The following ZBBX variants were observed in gnomAD, a reference collection of about 807,000 sequenced individuals.
ZBBX encodes zinc finger B-box domain containing, also known as zinc finger B-box domain-containing protein 1.
In ZBBX, 101 loss-of-function variants were observed where a neutral mutation model predicts 108.5. The observed-to-expected ratio is 0.93, with a 90% CI of 0.79 to 1.10. The LOEUF (loss-of-function observed/expected upper bound fraction) is 1.10. ZBBX is among the 50% of genes least tolerant of loss of function. The pLI is 0.00. For missense variants in ZBBX, 1,009 were observed against 941.4 expected, an observed-to-expected ratio of 1.07 and a Z score of -0.94; for synonymous variants, 356 against 323.4, an observed-to-expected ratio of 1.10 and a Z score of -1.08.
chr3:167,363,326 G>C (rs547171338), intron 6 of ZBBX, among the ~76,000 whole-genome samples: 81 of 152,030 alleles, frequency 5.3e-4, no homozygotes, highest in Non-Finnish European at 1.0e-3. Context: ...TCATTCCCAA[G>C]AACTCAAATT....
At chr3:167,309,213 C>T (rs904408184) in intron 16 of ZBBX, among the ~76,000 whole-genome samples, 4 of 152,178 alleles carry the variant, frequency 2.6e-5, no homozygotes, top group Admixed American at 6.5e-5. Context: ...CTGCCTTTGC[C>T]ACTGCTGTAC....
At chr3:167,211,421 C>T in the ZBBX span, among the ~76,000 whole-genome samples, 28 of 152,266 alleles carry the variant, frequency 1.8e-4, no homozygotes, top group East Asian at 1.4e-3. Context: ...TGGGAGGTTA[C>T]ATTCCTGTAC....
chr3:167,237,121 T>A (rs1720262850), downstream of ZBBX, among the ~76,000 whole-genome samples: 1 of 151,768 alleles, frequency 6.6e-6, no homozygotes, highest in Admixed American at 6.6e-5. Context: ...TCATAACATT[T>A]ATTTTTTTCA....
At chr3:167,330,682 G>T (rs1178376787) in intron 10 of ZBBX, among the ~76,000 whole-genome samples, 1 of 151,522 alleles carries the variant, frequency 6.6e-6, no homozygotes, top group Non-Finnish European at 1.5e-5. Context: ...GTTTGAGCAT[G>T]GGAGGAGGTT....
chr3:167,335,578 A>G (rs1358106770), intron 9 of ZBBX, among the ~76,000 whole-genome samples: 1 of 151,646 alleles, frequency 6.6e-6, no homozygotes, highest in African/African-American at 2.4e-5. Flanking sequence ...AGCAGGGATC[A>G]GATAAAATTA....
the ZBBX span, among the ~76,000 whole-genome samples, chr3:167,201,843 C>A: frequency 2.0e-5 from 3 of 152,090 alleles, no homozygotes; most frequent in African/African-American, 7.2e-5. Flanking sequence ...TGCTTAAGTT[C>A]TTTAAGAAAT....
chr3:167,183,217 C>G, the ZBBX span, among the ~76,000 whole-genome samples: 677 of 152,322 alleles, frequency 4.4e-3, 1 homozygote, highest in African/African-American at 0.016. Flanking sequence ...TCCTCCTCAT[C>G]ATCAGTGTGA....
intron 10 of ZBBX, among the ~76,000 whole-genome samples, chr3:167,330,492 C>A (rs946788671): frequency 6.6e-6 from 1 of 151,976 alleles, no homozygotes; most frequent in African/African-American, 2.4e-5. Flanking sequence ...GAAGCCCTAA[C>A]CCCCAATGTG....
At chr3:167,317,642 C>T (rs1313954851) in intron 12 of ZBBX, 45 bp from the exon 13 acceptor site, 2 of 1,298,224 alleles carry the variant, frequency 1.5e-6, no homozygotes, top group Admixed American at 4.3e-5. Flanking sequence ...AATATATTAC[C>T]TGAAACTTTC....
the ZBBX span, among the ~76,000 whole-genome samples, chr3:167,191,235 G>A: frequency 2.0e-5 from 3 of 152,222 alleles, no homozygotes; most frequent in Admixed American, 1.3e-4. Context: ...CACAGGCAAT[G>A]TGTGTGGCTA....
chr3:167,320,349 T>C (rs1250511759), intron 12 of ZBBX, among the ~76,000 whole-genome samples: 1 of 148,622 alleles, frequency 6.7e-6, no homozygotes, highest in Admixed American at 6.7e-5. Context: ...GCAAAATAAA[T>C]AACAATAATA....
At chr3:167,400,998 G>A (rs2108643079) in intron 1 of ZBBX, among the ~76,000 whole-genome samples, 1 of 152,116 alleles carries the variant, frequency 6.6e-6, no homozygotes, top group East Asian at 1.9e-4. Flanking sequence ...TTAGCTTAGT[G>A]ATTTTGGGAT....
chr3:167,268,327 G>A (rs868066454), intron 20 of ZBBX, among the ~76,000 whole-genome samples: 3 of 151,860 alleles, frequency 2.0e-5, no homozygotes, highest in Non-Finnish European at 2.9e-5. Context: ...TTCTCTTCTC[G>A]GGGGAAGAAA....
chr3:167,238,211 T>C (rs1720309281), downstream of ZBBX, among the ~76,000 whole-genome samples: 1 of 152,014 alleles, frequency 6.6e-6, no homozygotes, highest in African/African-American at 2.4e-5. Context: ...GCCAGTAGTG[T>C]CAGGACAAGA....
At chr3:167,389,828 T>C (rs1222766679) in intron 1 of ZBBX, among the ~76,000 whole-genome samples, 2 of 149,702 alleles carry the variant, frequency 1.3e-5, no homozygotes, top group Non-Finnish European at 3.0e-5. Context: ...TTTTTTTTTC[T>C]TGTAAATTTA....
At chr3:167,314,609 A>G (rs1735129289) in intron 15 of ZBBX, among the ~76,000 whole-genome samples, 1 of 152,214 alleles carries the variant, frequency 6.6e-6, no homozygotes, top group Admixed American at 6.5e-5. Context: ...TGAACTGAAT[A>G]ATATATTTAG....
intron 18 of ZBBX, among the ~76,000 whole-genome samples, chr3:167,290,029 T>C (rs943217829): frequency 1.3e-5 from 2 of 152,102 alleles, no homozygotes; most frequent in Non-Finnish European, 2.9e-5. Context: ...CCAGATTGCC[T>C]TCTCAAGAGT....
At chr3:167,279,119 C>T (rs1214951889) in intron 20 of ZBBX, among the ~76,000 whole-genome samples, 1 of 151,464 alleles carries the variant, frequency 6.6e-6, no homozygotes, top group African/African-American at 2.4e-5. Flanking sequence ...TAAGAGCTAT[C>T]TATGACAAAC....
At chr3:167,330,226 C>T (rs1353431856) in intron 10 of ZBBX, among the ~76,000 whole-genome samples, 1 of 152,024 alleles carries the variant, frequency 6.6e-6, no homozygotes, top group Non-Finnish European at 1.5e-5. Flanking sequence ...GCAGAGCAAA[C>T]ATGTTTGTAG....
Sources: gnomAD v4.1 joint callset for allele counts (sites outside exome capture counted in the v4.1 genomes callset) on GRCh38, gnomAD v4.1.1 for gene constraint, MANE v1.5 for transcripts, NCBI Gene and HGNC (gene_info 2026-07-23, HGNC 2026-07-21) for gene names.